The following DDR2 variants were observed in gnomAD, a reference collection of about 807,000 sequenced individuals.
DDR2 encodes the protein discoidin domain-containing receptor 2.
In DDR2, 27 loss-of-function variants were observed where a neutral mutation model predicts 94.9. The ratio of observed to expected loss-of-function variants is 0.28; its 90% CI spans 0.21 to 0.39. The LOEUF (loss-of-function observed/expected upper bound fraction) is 0.39. DDR2 is among the 10% of genes least tolerant of loss of function. The probability of loss-of-function intolerance (pLI) is 1.00; values close to 1 mark genes in which losing one functional copy is unlikely to be tolerated. For missense variants in DDR2, 783 were observed against 1,076.0 expected (o/e 0.73, Z 3.81); for synonymous variants, 382 against 377.2 (o/e 1.01, Z -0.15).
chr1:162,734,056 A>G (rs990996305), intron 3 of DDR2, among the ~76,000 whole-genome samples: 1 of 152,232 alleles, frequency 6.6e-6, no homozygotes, highest in Non-Finnish European at 1.5e-5. Flanking sequence ...GAGACAAATT[A>G]TTTTATCTGT....
intron 3 of DDR2, among the ~76,000 whole-genome samples, chr1:162,743,552 T>A (rs1031726810): frequency 6.6e-6 from 1 of 152,338 alleles, no homozygotes; most frequent in African/African-American, 2.4e-5. Context: ...AAGTTCTTTG[T>A]CTTCATGTAG....
chr1:162,771,883 A>C (rs2102185299), intron 12 of DDR2, 141 bp from the exon 13 acceptor site: 1 of 866,222 alleles, frequency 1.2e-6, no homozygotes, highest in Non-Finnish European at 1.8e-6. Context: ...GAGGAAGCAA[A>C]ACCATTTTCC....
intron 3 of DDR2, among the ~76,000 whole-genome samples, chr1:162,720,071 G>A (rs1237492605): frequency 6.6e-6 from 1 of 152,170 alleles, no homozygotes; most frequent in Non-Finnish European, 1.5e-5. Flanking sequence ...ATGTGGCCAA[G>A]CCCAGAGTCA....
chr1:162,642,065 C>T (rs1047211441), intron 1 of DDR2, among the ~76,000 whole-genome samples: 45 of 152,258 alleles, frequency 3.0e-4, no homozygotes, highest in African/African-American at 1.1e-3. Flanking sequence ...ATTCTCCATC[C>T]TCCTGCCTCA....
intron 2 of DDR2, among the ~76,000 whole-genome samples, chr1:162,680,883 C>G (rs772078926): frequency 1.3e-5 from 2 of 152,166 alleles, no homozygotes; most frequent in Non-Finnish European, 2.9e-5. Flanking sequence ...TAAGACATTT[C>G]TAAGAAGACT....
chr1:162,756,211 G>T (rs1385669124), intron 7 of DDR2, among the ~76,000 whole-genome samples: 1 of 152,102 alleles, frequency 6.6e-6, no homozygotes, highest in Non-Finnish European at 1.5e-5. Context: ...TGTAAAAAGG[G>T]GACTAGTAAG....
intron 3 of DDR2, among the ~76,000 whole-genome samples, chr1:162,748,731 C>T (rs1246043731): frequency 6.6e-6 from 1 of 152,184 alleles, no homozygotes; most frequent in Non-Finnish European, 1.5e-5. Flanking sequence ...CATACTTATT[C>T]CAAAATTGAC....
At chr1:162,716,553 C>G (rs1661175909) in intron 2 of DDR2, among the ~76,000 whole-genome samples, 1 of 152,164 alleles carries the variant, frequency 6.6e-6, no homozygotes, top group African/African-American at 2.4e-5. Flanking sequence ...TGTATTTTAT[C>G]TTATCCAAAT....
rs114068715 is a variant in DDR2 at position 162,725,424 on chromosome 1, G to C, written c.82+6279G>C. Among the ~76,000 whole-genome samples, 517 of 152,214 alleles carry C rather than the reference G, an allele frequency of 3.4e-3. 2 individuals are homozygous for C. Among genetic ancestry groups the C allele is most frequent in the African/African-American group, 0.012 (488 of 41,526 alleles). On this transcript the variant is annotated intron_variant, in intron 3 of 17. Coordinates refer to ENST00000367921, the MANE Select transcript of DDR2 (RefSeq NM_006182.4). ...GAGGGCATGTTGCTCTGTCACCCAGGCTGGAGTGCAGTGGCATGAACATGA... is the reference window on the plus strand; with the variant it reads ...GAGGGCATGTTGCTCTGTCACCCAGCCTGGAGTGCAGTGGCATGAACATGA...
At chr1:162,682,930 A>G (rs74116788) in intron 2 of DDR2, among the ~76,000 whole-genome samples, 4,937 of 152,298 alleles carry the variant, frequency 0.032, 250 homozygotes, top group African/African-American at 0.11. Context: ...AAGCTATATT[A>G]TATAAACATT....
At position 162,761,362 on chromosome 1, in the gene DDR2, T is replaced by A; in HGVS notation, c.1007T>A (p.Val336Glu). 1 of 1,614,236 alleles carries A rather than the reference T, an allele frequency of 6.2e-7. No homozygotes were observed. The highest frequency in any genetic ancestry group is 8.5e-7 in the Non-Finnish European group (1 of 1,180,036). Residue 336 changes from valine (V) to glutamate (E), a missense_variant, in exon 9 of 18, where the codon GTG (valine) becomes GAG (glutamate). Coordinates refer to ENST00000367921, the MANE Select transcript of DDR2 (RefSeq NM_006182.4). ...DVNPSARFVTVPLHHRMASAI... is the reference protein window; with the variant it reads ...DVNPSARFVTEPLHHRMASAI... ...AACCCCAGTGCTCGGTTTGTCACGG[T>A]GCCTCTCCACCACCGAATGGCCAGT...
intron 2 of DDR2, among the ~76,000 whole-genome samples, chr1:162,698,003 C>T (rs1488039618): frequency 1.3e-5 from 2 of 152,194 alleles, no homozygotes; most frequent in African/African-American, 2.4e-5. Context: ...GCTATTAACA[C>T]TGAAGACAGC....
In DDR2 at chr1:162,770,273, A is replaced by G. The variant is rs202180933; in HGVS notation, c.1294-29A>G. On this transcript the variant is annotated intron_variant, in intron 11 of 17. Transcript: ENST00000367921. ...CATTGACCATCTCTTTTGTGCCAAC[A>G]TGCCTTTCTCCTTGCTCTTCTCTTC... 137 of 1,610,892 alleles carry G rather than the reference A, an allele frequency of 8.5e-5. 2 individuals carry two copies. The Middle Eastern group carries it at 3.1e-3, about 37-fold the overall frequency.
chr1:162,754,761 G>A lies in DDR2; in HGVS notation c.323G>A (p.Gly108Glu), dbSNP rs767503089. Residue 108 changes from glycine to glutamate, a missense_variant, in exon 5 of 18, where the codon GGA (glycine) becomes GAA (glutamate). Gly to Glu is a moderately conservative substitution (Grantham distance 98, BLOSUM62 -2). Coordinates refer to ENST00000367921, the MANE Select transcript of DDR2 (RefSeq NM_006182.4). ...GTGGGGACCCAGGGGCGCCATGCAG[G>A]AGGTCATGGCATCGAGTTTGCCCCC... Reference protein sequence around the residue: ...TLVGTQGRHAGGHGIEFAPMY... With the variant: ...TLVGTQGRHAEGHGIEFAPMY... The A allele has an allele frequency of 8.1e-6, 13 of 1,614,126 alleles. No individual in the cohort carries two copies. The highest frequency in any genetic ancestry group is 1.0e-5 in the Non-Finnish European group (12 of 1,180,018).
intron 1 of DDR2, among the ~76,000 whole-genome samples, chr1:162,654,201 G>A (rs1657843883): frequency 6.6e-6 from 1 of 152,156 alleles, no homozygotes; most frequent in East Asian, 1.9e-4. Context: ...ACTTTGTGAG[G>A]CCGAGGTGGG....
intron 2 of DDR2, among the ~76,000 whole-genome samples, chr1:162,712,674 A>G (rs1660973330): frequency 6.6e-6 from 1 of 152,100 alleles, no homozygotes; most frequent in African/African-American, 2.4e-5. Flanking sequence ...TGGCTAGGGA[A>G]GAGGATTTTG....
In DDR2 at chr1:162,779,658, T is replaced by C. The variant is rs146211223; in HGVS notation, c.2434-454T>C. Among the ~76,000 whole-genome samples the C allele has an allele frequency of 2.7e-3, 408 of 152,336 alleles. 3 individuals carry two copies. The Middle Eastern group carries it at 0.027, about 10-fold the overall frequency. ...GAGTCTAAATTAGCTATCTTGGTTA[T>C]GAGGCAATTTGCCTTCTTACTATAG... On this transcript the variant is annotated intron_variant, in intron 17 of 17. Coordinates refer to ENST00000367921, the MANE Select transcript of DDR2 (RefSeq NM_006182.4).
intron 5 of DDR2, 98 bp downstream of exon 5, chr1:162,754,953 T>C (rs1382985413): frequency 8.7e-6 from 13 of 1,489,438 alleles, no homozygotes; most frequent in Non-Finnish European, 1.2e-5. Flanking sequence ...GATATGTGTG[T>C]CCACAGACCA....
At chr1:162,660,615 A>G (rs186957692) in intron 2 of DDR2, among the ~76,000 whole-genome samples, 1 of 152,180 alleles carries the variant, frequency 6.6e-6, no homozygotes, top group East Asian at 1.9e-4. Context: ...TTACTTAGGT[A>G]ATGATCAAAC....
Sources: gnomAD v4.1 joint callset for allele counts (sites outside exome capture counted in the v4.1 genomes callset) on GRCh38, gnomAD v4.1.1 for gene constraint, MANE v1.5 for transcripts, NCBI Gene and HGNC (gene_info 2026-07-23, HGNC 2026-07-21) for gene names.